Variants in TUSC3 observed in about 807,000 individuals in gnomAD.
TUSC3 encodes dolichyl-diphosphooligosaccharide--protein glycosyltransferase subunit TUSC3.
A neutral mutation model predicts 44.8 loss-of-function variants in TUSC3; 45 were observed. The observed-to-expected ratio is 1.00, with a 90% CI of 0.79 to 1.29. TUSC3 has a LOEUF of 1.29. Ranked by LOEUF, TUSC3 falls within the 50% of genes most tolerant of loss-of-function variation. The probability of loss-of-function intolerance (pLI) is 0.00; values close to 1 mark genes in which losing one functional copy is unlikely to be tolerated. For missense variants in TUSC3, 519 were observed against 437.9 expected (o/e 1.19, Z -1.65); for synonymous variants, 212 against 152.9 (o/e 1.39, Z -2.85).
intron 2 of TUSC3, chr8:15,483,596 C>G (rs567574421): frequency 6.6e-6 from 1 of 151,358 alleles, no homozygotes; most frequent in East Asian, 2.0e-4. Context: ...ACCTTGGCCT[C>G]CCAAAGTGCT....
intron 1 of TUSC3, among the ~76,000 whole-genome samples, chr8:15,545,483 T>C (rs1328733751): frequency 6.6e-6 from 1 of 151,804 alleles, no homozygotes; most frequent in African/African-American, 2.4e-5. Flanking sequence ...GGACTCTGTC[T>C]TCTTTGACTA....
intron 1 of TUSC3, among the ~76,000 whole-genome samples, chr8:15,584,613 A>G (rs890487583): frequency 6.6e-5 from 10 of 151,942 alleles, no homozygotes; most frequent in African/African-American, 2.4e-4. Context: ...AAGGCTTCCT[A>G]GGTAATTGAG....
chr8:15,577,904 C>G (rs1326510333), intron 1 of TUSC3, among the ~76,000 whole-genome samples: 3 of 150,878 alleles, frequency 2.0e-5, no homozygotes, highest in Non-Finnish European at 4.4e-5. Flanking sequence ...TTACCTTGGG[C>G]AGTACGGCCA....
intron 6 of TUSC3, among the ~76,000 whole-genome samples, chr8:15,705,238 A>G (rs1809569324): frequency 6.6e-6 from 1 of 151,966 alleles, no homozygotes; most frequent in Non-Finnish European, 1.5e-5. Flanking sequence ...CACTGCTGGA[A>G]TGTTTTCTTG....
chr8:15,682,537 G>A (rs1384717220), intron 6 of TUSC3, among the ~76,000 whole-genome samples: 1 of 152,052 alleles, frequency 6.6e-6, no homozygotes, highest in Non-Finnish European at 1.5e-5. Flanking sequence ...ATTACTTTGA[G>A]CCTGTGAGTA....
intron 1 of TUSC3, among the ~76,000 whole-genome samples, chr8:15,593,787 G>T (rs1285008710): frequency 6.6e-6 from 1 of 151,370 alleles, no homozygotes; most frequent in African/African-American, 2.4e-5. Flanking sequence ...TTTATGCTCT[G>T]TGCACTGTTG....
intron 2 of TUSC3, among the ~76,000 whole-genome samples, chr8:15,519,573 T>C (rs928605137): frequency 6.6e-6 from 1 of 152,100 alleles, no homozygotes; most frequent in African/African-American, 2.4e-5. Flanking sequence ...AATCCTATTG[T>C]GAACTGTGCA....
intron 1 of TUSC3, among the ~76,000 whole-genome samples, chr8:15,577,999 G>C (rs1803182650): frequency 6.7e-6 from 1 of 149,332 alleles, no homozygotes; most frequent in Non-Finnish European, 1.5e-5. Context: ...TTGAGCAGTG[G>C]TTTGTAGTTC....
chr8:15,573,906 G>T (rs937537085), intron 1 of TUSC3, among the ~76,000 whole-genome samples: 1 of 152,054 alleles, frequency 6.6e-6, no homozygotes, highest in Admixed American at 6.6e-5. Flanking sequence ...GGGGTGATAG[G>T]AGGGGGAGAG....
chr8:15,697,838 A>T (rs989209722), intron 6 of TUSC3, among the ~76,000 whole-genome samples: 1 of 152,238 alleles, frequency 6.6e-6, no homozygotes, highest in Non-Finnish European at 1.5e-5. Flanking sequence ...AGACTTAGCT[A>T]TATACAATGC....
chr8:15,800,585 A>AAAAG, the TUSC3 span, among the ~76,000 whole-genome samples: 2 of 151,844 alleles, frequency 1.3e-5, no homozygotes, highest in Admixed American at 6.6e-5. Context: ...AAAAAAAAAA[A>AAAAG]AAAGAAAGAA....
intron 2 of TUSC3, among the ~76,000 whole-genome samples, chr8:15,528,906 G>GAT (rs1394226304): frequency 6.6e-6 from 1 of 152,120 alleles, no homozygotes; most frequent in Non-Finnish European, 1.5e-5. Context: ...CAGAGCATCT[G>GAT]ATATATCAGA....
intron 1 of TUSC3, among the ~76,000 whole-genome samples, chr8:15,427,957 CT>C (rs1365270860): frequency 4.8e-5 from 7 of 146,152 alleles, no homozygotes; most frequent in African/African-American, 1.6e-4. Flanking sequence ...CAATTTTATT[CT>C]TTTTTTAAAT....
intron 6 of TUSC3, among the ~76,000 whole-genome samples, chr8:15,676,970 A>G (rs1351151861): frequency 6.6e-6 from 1 of 152,186 alleles, no homozygotes; most frequent in East Asian, 1.9e-4. Context: ...GGTTGTATAT[A>G]TTGAAAGTCA....
intron 1 of TUSC3, among the ~76,000 whole-genome samples, chr8:15,470,900 C>T (rs1800483464): frequency 6.6e-6 from 1 of 152,028 alleles, no homozygotes; most frequent in South Asian, 2.1e-4. Context: ...GCCTTGTGCC[C>T]TGAGCTGAGG....
chr8:15,631,170 G>C (rs1805745757), intron 2 of TUSC3, among the ~76,000 whole-genome samples: 1 of 152,128 alleles, frequency 6.6e-6, no homozygotes, highest in Admixed American at 6.6e-5. Context: ...TCAGGCTTGA[G>C]TGAATCCATG....
chr8:15,421,583 T>C (rs564351018), intron 1 of TUSC3, among the ~76,000 whole-genome samples: 2 of 152,296 alleles, frequency 1.3e-5, no homozygotes, highest in African/African-American at 2.4e-5. Context: ...GTTTTAGTTA[T>C]TTGTTATTGT....
chr8:15,418,385 C>G (rs772646704), intron 1 of TUSC3, among the ~76,000 whole-genome samples: 9 of 152,064 alleles, frequency 5.9e-5, no homozygotes, highest in Non-Finnish European at 8.8e-5. Flanking sequence ...TTTTATCTGC[C>G]AGAAACTCTG....
intron 1 of TUSC3, among the ~76,000 whole-genome samples, chr8:15,418,106 C>G (rs1281641830): frequency 6.6e-6 from 1 of 152,060 alleles, no homozygotes; most frequent in Non-Finnish European, 1.5e-5. Context: ...TCAAGGAAAC[C>G]AAGAATTAGT....
Sources: allele counts gnomAD v4.1 joint callset (sites outside exome capture counted in the v4.1 genomes callset), GRCh38; gene constraint gnomAD v4.1.1; transcripts MANE v1.5; gene names NCBI Gene and HGNC (gene_info 2026-07-23, HGNC 2026-07-21).